HS3ST4: variants seen among roughly 807,000 people sequenced by gnomAD.
HS3ST4 encodes the protein heparan sulfate glucosamine 3-O-sulfotransferase 4.
In HS3ST4, 17 loss-of-function variants were observed where a neutral mutation model predicts 29.2. The observed-to-expected ratio is 0.58, with a 90% confidence interval of 0.40 to 0.87. The LOEUF (loss-of-function observed/expected upper bound fraction) is 0.87. Ranked by LOEUF, HS3ST4 falls within the 40% of genes least tolerant of loss-of-function variation. HS3ST4 has a pLI of 0.00. For missense variants in HS3ST4, 627 were observed against 634.5 expected, an observed-to-expected ratio of 0.99 and a Z score of 0.13; for synonymous variants, 314 against 285.7, an observed-to-expected ratio of 1.10 and a Z score of -1.00.
intron 1 of HS3ST4, among the ~76,000 whole-genome samples, chr16:26,080,670 G>A (rs1420454439): frequency 1.3e-5 from 2 of 152,172 alleles, no homozygotes; most frequent in Non-Finnish European, 2.9e-5. Context: ...GGACAAGGGA[G>A]CTGAGGGATG....
intron 1 of HS3ST4, among the ~76,000 whole-genome samples, chr16:26,135,020 T>G (rs568665740): frequency 1.5e-4 from 23 of 151,446 alleles, no homozygotes; most frequent in South Asian, 1.5e-3. Context: ...ATCTTTTTGG[T>G]TTTTTTTTCA....
intron 1 of HS3ST4, among the ~76,000 whole-genome samples, chr16:25,897,669 A>G (rs1968081538): frequency 6.6e-6 from 1 of 151,898 alleles, no homozygotes; most frequent in Non-Finnish European, 1.5e-5. Flanking sequence ...GGGGCAGTAG[A>G]ACCCACCCAC....
chr16:26,114,839 C>A (rs573594109), intron 1 of HS3ST4, among the ~76,000 whole-genome samples: 1 of 152,198 alleles, frequency 6.6e-6, no homozygotes, highest in African/African-American at 2.4e-5. Context: ...ATCTTTAATA[C>A]ACACACCCCA....
intron 1 of HS3ST4, among the ~76,000 whole-genome samples, chr16:25,753,264 T>A (rs1431840116): frequency 6.6e-6 from 1 of 152,246 alleles, no homozygotes; most frequent in African/African-American, 2.4e-5. Flanking sequence ...TTATCATAAT[T>A]CATCATTCAT....
At chr16:25,792,856 T>C (rs1158838360) in intron 1 of HS3ST4, among the ~76,000 whole-genome samples, 4 of 151,892 alleles carry the variant, frequency 2.6e-5, no homozygotes. Flanking sequence ...ATTTAGCTGT[T>C]TTCCAAATTT....
intron 1 of HS3ST4, among the ~76,000 whole-genome samples, chr16:25,736,397 G>C (rs1966610396): frequency 6.6e-6 from 1 of 152,150 alleles, no homozygotes; most frequent in Non-Finnish European, 1.5e-5. Flanking sequence ...GATTTTGAGA[G>C]TGTGACTGTG....
At chr16:25,918,987 A>C (rs923337642) in intron 1 of HS3ST4, among the ~76,000 whole-genome samples, 1 of 152,204 alleles carries the variant, frequency 6.6e-6, no homozygotes, top group Non-Finnish European at 1.5e-5. Context: ...CATGTTTTCC[A>C]GGAATTTTCT....
intron 1 of HS3ST4, among the ~76,000 whole-genome samples, chr16:25,777,780 C>G (rs1266655609): frequency 1.3e-5 from 2 of 151,958 alleles, no homozygotes; most frequent in African/African-American, 2.4e-5. Flanking sequence ...AACAAACAAA[C>G]AAAGAAATCG....
At chr16:26,067,392 C>T (rs1192954252) in intron 1 of HS3ST4, among the ~76,000 whole-genome samples, 1 of 151,986 alleles carries the variant, frequency 6.6e-6, no homozygotes, top group Non-Finnish European at 1.5e-5. Flanking sequence ...GGTCATGTCC[C>T]AAGGGAGACA....
chr16:25,889,591 A>C (rs1322646556), intron 1 of HS3ST4, among the ~76,000 whole-genome samples: 1 of 152,204 alleles, frequency 6.6e-6, no homozygotes, highest in African/African-American at 2.4e-5. Context: ...TTGAGATTTC[A>C]GGGTGGTTTT....
intron 1 of HS3ST4, among the ~76,000 whole-genome samples, chr16:25,991,086 C>T (rs1311598418): frequency 6.7e-6 from 1 of 148,526 alleles, no homozygotes; most frequent in East Asian, 1.9e-4. Flanking sequence ...GTCCTCTTAT[C>T]ATCAATAACA....
chr16:25,875,781 T>C (rs772289808), intron 1 of HS3ST4, among the ~76,000 whole-genome samples: 1 of 152,070 alleles, frequency 6.6e-6, no homozygotes, highest in Non-Finnish European at 1.5e-5. Context: ...GGTCATACAG[T>C]CTGTGAAGAT....
chr16:25,905,382 AG>A (rs557118790), intron 1 of HS3ST4, among the ~76,000 whole-genome samples: 89 of 152,230 alleles, frequency 5.8e-4, no homozygotes, highest in African/African-American at 1.6e-3. Flanking sequence ...GTGTGAAAAG[AG>A]GGGGTTCTGC....
intron 1 of HS3ST4, among the ~76,000 whole-genome samples, chr16:25,808,436 G>T (rs1467865440): frequency 6.6e-6 from 1 of 152,008 alleles, no homozygotes; most frequent in Non-Finnish European, 1.5e-5. Context: ...AATTTGTGTG[G>T]GTGTATTTCT....
intron 1 of HS3ST4, among the ~76,000 whole-genome samples, chr16:25,737,636 A>G (rs894137486): frequency 2.0e-5 from 3 of 152,184 alleles, no homozygotes; most frequent in Admixed American, 2.0e-4. Flanking sequence ...ACTGGGTACA[A>G]TGTACATTAC....
At position 25,692,727 on chromosome 16, in the gene HS3ST4, G is replaced by A; in HGVS notation, c.310G>A (p.Asp104Asn). The A allele has an allele frequency of 7.9e-7, 1 of 1,271,170 alleles. No homozygotes were observed. Among genetic ancestry groups the A allele is most frequent in the Non-Finnish European group, 9.9e-7 (1 of 1,011,772 alleles). 78.7% of individuals were successfully genotyped at this position (1,271,170 alleles called of 1,614,324 possible). The change falls in exon 1 of 2, where the codon GAC becomes AAC. Residue 104 changes from aspartate to asparagine, a missense_variant. Physicochemically the swap from Asp to Asn is conservative, Grantham distance 23. This residue lies in a region of HS3ST4 where 402 missense variants were observed against 340.8 expected (regional missense o/e 1.18). Transcript: ENST00000331351. ...PSQPPAPPPL[D>N]NASHGEPPEP... ...GCAGCCGCCCGCGCCGCCGCCGCTG[G>A]ACAACGCGAGCCACGGGGAGCCGCC...
At chr16:25,996,461 G>GTATTAA (rs1458556574) in intron 1 of HS3ST4, among the ~76,000 whole-genome samples, 3 of 152,024 alleles carry the variant, frequency 2.0e-5, no homozygotes, top group East Asian at 1.9e-4. Context: ...TTAATATATA[G>GTATTAA]TATAAGTTAA....
intron 1 of HS3ST4, among the ~76,000 whole-genome samples, chr16:25,830,200 G>T (rs1412440362): frequency 6.6e-6 from 1 of 152,172 alleles, no homozygotes; most frequent in East Asian, 1.9e-4. Context: ...TTTTTATAGT[G>T]CCTGGAAGAT....
chr16:25,828,221 CCTTTCTTTCTTTCTTTCTTTCT>C, intron 1 of HS3ST4, among the ~76,000 whole-genome samples: 1 of 107,132 alleles, frequency 9.3e-6, no homozygotes, highest in South Asian at 3.3e-4. Context: ...TGCTTTCTTT[CCTTTCTTTCTTTCTTTCTTTCT>C]CTTTCTTTCT....
Sources: gnomAD v4.1 joint callset for allele counts (sites outside exome capture counted in the v4.1 genomes callset) on GRCh38, gnomAD v4.1.1 for gene constraint, gnomAD v4.1.1 regional missense constraint, MANE v1.5 for transcripts, NCBI Gene and HGNC (gene_info 2026-07-23, HGNC 2026-07-21) for gene names.